NBAS: variants seen among roughly 807,000 people sequenced by gnomAD.
NBAS encodes NBAS subunit of NRZ tethering complex.
NBAS carries 219 observed loss-of-function variants against 302.5 expected under a neutral mutation model. That is an observed-to-expected ratio of 0.72 (90% CI 0.65 to 0.81). The LOEUF (loss-of-function observed/expected upper bound fraction) is 0.81. Among genes scored for constraint, NBAS ranks in the 30% least tolerant of loss-of-function variants. NBAS has a pLI of 0.00. For synonymous variants in NBAS, 1,118 were observed against 1,021.6 expected, an observed-to-expected ratio of 1.09 and a Z score of -1.80; for missense variants, 2,932 against 2,841.6, an observed-to-expected ratio of 1.03 and a Z score of -0.72.
chr2:15,408,026 G>A (rs1409188443), intron 25 of NBAS, among the ~76,000 whole-genome samples: 1 of 152,154 alleles, frequency 6.6e-6, no homozygotes, highest in African/African-American at 2.4e-5. Flanking sequence ...ACCACAGCCA[G>A]AAAGATCTGC....
chr2:15,295,475 C>G (rs1233929708), intron 40 of NBAS, among the ~76,000 whole-genome samples: 1 of 152,154 alleles, frequency 6.6e-6, no homozygotes, highest in African/African-American at 2.4e-5. Context: ...ATTGTCTCAT[C>G]TACAAAATAG....
the NBAS span, among the ~76,000 whole-genome samples, chr2:15,054,406 G>A: frequency 1.3e-5 from 2 of 152,206 alleles, no homozygotes; most frequent in East Asian, 1.9e-4. Context: ...ACTGAAGAAG[G>A]AGAAGGTGAT....
chr2:15,063,918 T>C, the NBAS span, among the ~76,000 whole-genome samples: 2 of 152,188 alleles, frequency 1.3e-5, no homozygotes, highest in Non-Finnish European at 2.9e-5. Context: ...CCTAGGAAAC[T>C]AATATATAAG....
chr2:15,524,426 C>T (rs548822955), intron 9 of NBAS, among the ~76,000 whole-genome samples: 1 of 152,234 alleles, frequency 6.6e-6, no homozygotes, highest in East Asian at 1.9e-4. Flanking sequence ...ATGTCCCGGT[C>T]CAAACTGGGG....
intron 48 of NBAS, among the ~76,000 whole-genome samples, chr2:15,213,098 A>C (rs1236928981): frequency 6.6e-6 from 1 of 152,164 alleles, no homozygotes; most frequent in Non-Finnish European, 1.5e-5. Context: ...TTGTGTTATT[A>C]TTTCCATTTT....
the NBAS span, among the ~76,000 whole-genome samples, chr2:14,849,690 G>T: frequency 1.4e-5 from 2 of 140,688 alleles, no homozygotes; most frequent in Non-Finnish European, 3.0e-5. Flanking sequence ...GAAAGGTCGG[G>T]TTACCCTCAA....
intron 23 of NBAS, among the ~76,000 whole-genome samples, chr2:15,418,727 T>C (rs1677064165): frequency 6.6e-6 from 1 of 152,076 alleles, no homozygotes; most frequent in African/African-American, 2.4e-5. Flanking sequence ...GAGAGCAGCA[T>C]GGAATGCAGA....
At chr2:15,336,492 G>A (rs1672592877) in intron 35 of NBAS, among the ~76,000 whole-genome samples, 3 of 152,144 alleles carry the variant, frequency 2.0e-5, no homozygotes, top group Admixed American at 6.5e-5. Context: ...CCAGCACTTT[G>A]GGAGGCTGAG....
At chr2:15,434,695 C>T (rs1189578911) in intron 21 of NBAS, among the ~76,000 whole-genome samples, 1 of 152,128 alleles carries the variant, frequency 6.6e-6, no homozygotes, top group African/African-American at 2.4e-5. Context: ...TGATTAACTA[C>T]AACTTTCATT....
At chr2:14,867,919 T>C in the NBAS span, among the ~76,000 whole-genome samples, 1 of 152,172 alleles carries the variant, frequency 6.6e-6, no homozygotes. Flanking sequence ...ACGACAGCCA[T>C]GCAGAGGCAC....
chr2:15,119,498 G>A, the NBAS span, among the ~76,000 whole-genome samples: 2 of 151,804 alleles, frequency 1.3e-5, no homozygotes, highest in South Asian at 2.1e-4. Flanking sequence ...CTGCCACCAC[G>A]CCCAGCTAAT....
At chr2:14,996,806 G>GA in the NBAS span, among the ~76,000 whole-genome samples, 3 of 152,060 alleles carry the variant, frequency 2.0e-5, no homozygotes, top group African/African-American at 7.2e-5. Context: ...GACTCAGAAG[G>GA]AAAAAAGCTG....
At chr2:14,836,216 C>G in the NBAS span, among the ~76,000 whole-genome samples, 1 of 151,998 alleles carries the variant, frequency 6.6e-6, no homozygotes, top group African/African-American at 2.4e-5. Context: ...TACATGTACT[C>G]TCACTCTATA....
chr2:15,362,286 T>C (rs1673970329), intron 32 of NBAS, among the ~76,000 whole-genome samples: 1 of 142,334 alleles, frequency 7.0e-6, no homozygotes, highest in Non-Finnish European at 1.5e-5. Context: ...AATACCAACC[T>C]GGAAAACAGA....
At chr2:15,435,324 C>A (rs1677958433) in intron 21 of NBAS, among the ~76,000 whole-genome samples, 1 of 152,150 alleles carries the variant, frequency 6.6e-6, no homozygotes, top group Admixed American at 6.5e-5. Flanking sequence ...CTTAAGAATC[C>A]CCGTATGTTC....
chr2:15,558,695 A>G, intron 1 of NBAS, 61 bp from the exon 2 acceptor site: 1 of 1,241,872 alleles, frequency 8.1e-7, no homozygotes, highest in Non-Finnish European at 1.2e-6. Flanking sequence ...GACCAGTATT[A>G]CTTATACAAT....
the NBAS span, among the ~76,000 whole-genome samples, chr2:14,926,846 T>C: frequency 1.3e-5 from 2 of 152,216 alleles, no homozygotes; most frequent in African/African-American, 4.8e-5. Flanking sequence ...AAGAACCTCA[T>C]CTAAGCGTGT....
chr2:15,180,035 G>A (rs1664748098), intron 50 of NBAS: 1 of 152,198 alleles, frequency 6.6e-6, no homozygotes, highest in Non-Finnish European at 1.5e-5. Context: ...TTGCTCTAAA[G>A]AACTGATGAT....
intron 21 of NBAS, among the ~76,000 whole-genome samples, chr2:15,433,986 G>A (rs1233008375): frequency 6.6e-6 from 1 of 151,874 alleles, no homozygotes; most frequent in East Asian, 1.9e-4. Flanking sequence ...AGGATTCAGG[G>A]GAAGCTGTCA....
Sources: gnomAD v4.1 joint callset for allele counts (sites outside exome capture counted in the v4.1 genomes callset) on GRCh38, gnomAD v4.1.1 for gene constraint, MANE v1.5 for transcripts, NCBI Gene and HGNC (gene_info 2026-07-23, HGNC 2026-07-21) for gene names.